Variants in SLC12A4 observed in about 807,000 individuals in gnomAD.
SLC12A4 encodes electroneutral potassium-chloride cotransporter 1.
SLC12A4 carries 84 observed loss-of-function variants against 119.2 expected under a neutral mutation model. That is an observed-to-expected ratio of 0.70 (90% confidence interval 0.59 to 0.85). The LOEUF (loss-of-function observed/expected upper bound fraction) is 0.85, where lower values mean the gene tolerates loss of function less well. Ranked by LOEUF, SLC12A4 falls within the 40% of genes least tolerant of loss-of-function variation. SLC12A4 has a pLI of 0.00. For missense variants in SLC12A4, 1,298 were observed against 1,476.3 expected, an observed-to-expected ratio of 0.88 and a Z score of 1.98; for synonymous variants, 599 against 604.6, an observed-to-expected ratio of 0.99 and a Z score of 0.14.
intron 5 of SLC12A4, 137 bp downstream of exon 5, chr16:67,957,605 A>C: frequency 1.1e-6 from 1 of 902,430 alleles, no homozygotes; most frequent in South Asian, 1.6e-5. Flanking sequence ...CTACGTGGGC[A>C]CTGTCCTGGC....
At chr16:67,966,647 G>A in intron 1 of SLC12A4, 1 of 1,415,770 alleles carries the variant, frequency 7.1e-7, no homozygotes, top group Non-Finnish European at 9.6e-7. Context: ...CCAGAGCAGA[G>A]GTGTGGGCAC....
At chr16:67,956,114 T>C (rs1440603531) in intron 5 of SLC12A4, among the ~76,000 whole-genome samples, 1 of 151,254 alleles carries the variant, frequency 6.6e-6, no homozygotes, top group African/African-American at 2.4e-5. Context: ...GAGGTGGAGA[T>C]TGCAGTGAGC....
rs2058369407 is a variant in SLC12A4, at chr16:67,947,789, C to G, written c.1848-1G>C. 6.3e-7 allele frequency: 1 copy of G among 1,587,570 alleles called. No individual in the cohort carries two copies. Among genetic ancestry groups the G allele is most frequent in the East Asian group, 2.3e-5 (1 of 43,422 alleles). ...ACTCATGCCCAGGAAGGACAGCGCCCTGGACGAGAGGGGAGGGCAGAGTCA... is the reference window on the plus strand; with the variant it reads ...ACTCATGCCCAGGAAGGACAGCGCCGTGGACGAGAGGGGAGGGCAGAGTCA... On this transcript the variant is annotated splice_acceptor_variant, in intron 14 of 23. Transcript: ENST00000316341. LOFTEE classifies it high-confidence loss of function.
At chr16:67,962,516 G>C (rs1234086817) in intron 2 of SLC12A4, 1 of 152,300 alleles carries the variant, frequency 6.6e-6, no homozygotes, top group Non-Finnish European at 1.5e-5. Flanking sequence ...GTGTGAGAAA[G>C]GAAGACGAGG....
chr16:67,963,380 CAG>C, intron 2 of SLC12A4, 83 bp downstream of exon 2: 1 of 811,862 alleles, frequency 1.2e-6, no homozygotes, highest in Non-Finnish European at 2.0e-6. Flanking sequence ...AAGAGCAAGA[CAG>C]AGGAGGCCCA....
intron 13 of SLC12A4, 39 bp from the exon 14 acceptor site, chr16:67,948,198 C>G (rs779725237): frequency 3.1e-6 from 5 of 1,588,008 alleles, no homozygotes; most frequent in Non-Finnish European, 3.5e-6. Flanking sequence ...GCAGCCTCCT[C>G]GGCAGCTGGG....
chr16:67,944,248 A>G lies in SLC12A4; in HGVS notation c.*592T>C, dbSNP rs973245662. 5.5e-5 allele frequency: 79 copies of G among 1,431,444 alleles called. No individual in the cohort carries two copies. In the Middle Eastern group the frequency reaches 1.0e-3, roughly 19 times the overall value. 88.7% of individuals were successfully genotyped at this position (1,431,444 alleles called of 1,614,324 possible). On this transcript the variant is annotated 3_prime_UTR_variant, in exon 24 of 24. Transcript: ENST00000316341. This position sits in a 1 kb window ranked among gnomAD's most constrained non-coding sequence, Gnocchi z 6.6. ...GATTGCCGGAAAGGGGCACAGCCTC[A>G]GGGAGCCGGCTCTGGGCCTGGGTTC... is the stretch of plus-strand genomic sequence containing the variant.
intron 1 of SLC12A4, chr16:67,964,106 G>A: frequency 2.0e-6 from 3 of 1,518,448 alleles, no homozygotes; most frequent in Non-Finnish European, 2.7e-6. Context: ...GGCATGCCGG[G>A]AGGTGGGGCA....
rs371229118 is a variant in SLC12A4, at chr16:67,961,597, C to T, written c.320G>A (p.Gly107Asp). The change falls in exon 3 of 24, where the codon GGC becomes GAC. Residue 107 changes from glycine to aspartate, a missense_variant. By Grantham distance (94) the Gly-to-Asp change is moderately conservative (BLOSUM62 -1). Coordinates refer to ENST00000316341, the MANE Select transcript of SLC12A4 (RefSeq NM_005072.5). The stretch of plus-strand genomic sequence containing the variant: ...CACCTCGGCTGCCCTCCGGCGGGTG[C>T]CCTCCCCACTCTCGGCCTCCTCATG... The part of the protein sequence containing the change: ...KEHEEAESGE[G>D]TRRRAAEAPS... 2.2e-5 allele frequency: 36 copies of T among 1,613,450 alleles called. No homozygotes were observed. The highest frequency in any genetic ancestry group is 2.9e-5 in the Non-Finnish European group (34 of 1,179,990).
intron 1 of SLC12A4, chr16:67,964,136 C>A: frequency 6.8e-7 from 1 of 1,477,178 alleles, no homozygotes. Context: ...CCGTGGAGAG[C>A]GGAAGTGGAT....
At chr16:67,968,382 C>CGGCCCCGGGTGGCA in intron 1 of SLC12A4, 57 bp downstream of exon 1, 1 of 1,450,876 alleles carries the variant, frequency 6.9e-7, no homozygotes, top group Non-Finnish European at 9.1e-7. Flanking sequence ...CCCGGGATGG[C>CGGCCCCGGGTGGCA]GGCCCCGGGT....
rs770740806 is a variant in SLC12A4, at chr16:67,948,081, G to A, written c.1827C>T (p.Pro609=). 1.2e-6 allele frequency: 2 copies of A among 1,613,142 alleles called. No individual in the cohort carries two copies. Among genetic ancestry groups the A allele is most frequent in the Non-Finnish European group, 1.7e-6 (2 of 1,179,958 alleles). Residue 609 remains proline, a synonymous_variant, in exon 14 of 24, where the codon CCC becomes CCT. Coordinates refer to ENST00000316341, the MANE Select transcript of SLC12A4 (RefSeq NM_005072.5). The stretch of plus-strand genomic sequence containing the variant: ...CTCACCAGTGATAGTACTTGAACCG[G>A]GGCCGCCAGTTGGGGGTCCTCAGGA... ...QTLLRTPNWR[P]RFKYYHWALS... is the part of the protein sequence containing the mutation.
intron 3 of SLC12A4, among the ~76,000 whole-genome samples, chr16:67,959,076 C>T (rs997661313): frequency 6.6e-6 from 1 of 152,120 alleles, no homozygotes; most frequent in African/African-American, 2.4e-5. Flanking sequence ...TTTGGAAGCC[C>T]CTGGGACATC....
At chr16:67,945,282 C>A in intron 22 of SLC12A4, 62 bp from the exon 23 acceptor site, 2 of 1,563,356 alleles carry the variant, frequency 1.3e-6, no homozygotes, top group Non-Finnish European at 1.7e-6. Flanking sequence ...GGTCCCCACC[C>A]CTGGCCCATC....
intron 21 of SLC12A4, 67 bp downstream of exon 21, chr16:67,945,697 C>G: frequency 6.6e-7 from 1 of 1,521,148 alleles, no homozygotes; most frequent in Non-Finnish European, 9.0e-7. Context: ...CCTCCGCACC[C>G]ACCGATGCGG....
intron 5 of SLC12A4, 80 bp downstream of exon 5, chr16:67,957,662 G>T: frequency 6.5e-7 from 1 of 1,536,920 alleles, no homozygotes; most frequent in Non-Finnish European, 8.9e-7. Context: ...GCAGGGGTGT[G>T]CTATGGGGGT....
chr16:67,968,631 C>A lies in SLC12A4; in HGVS notation c.-78G>T, dbSNP rs1416288697. The A allele has an allele frequency of 1.5e-6, 2 of 1,306,398 alleles. No individual in the cohort carries two copies. Among genetic ancestry groups the A allele is most frequent in the South Asian group, 2.4e-5 (1 of 42,130 alleles). The allele number at this position is 1,306,398 out of a possible 1,614,324, so 80.9% of individuals were successfully genotyped here. A position where few individuals can be genotyped will look rare whatever the true frequency, so the allele number is the denominator to read the frequency against. On this transcript the variant is annotated 5_prime_UTR_variant, in exon 1 of 24. Coordinates refer to ENST00000316341, the MANE Select transcript of SLC12A4 (RefSeq NM_005072.5). ...CCGCCGCTGTCCCCGCCGCCCCGGG[C>A]CGACACGCCCCGCCCGCTCGCATTC... is the stretch of plus-strand genomic sequence containing the variant.
rs1466445368 is a variant in SLC12A4 at position 67,944,670 on chromosome 16, A to G, written c.*170T>C. 4.2e-6 allele frequency: 6 copies of G among 1,427,600 alleles called. No homozygotes were observed. In the Admixed American group the frequency reaches 1.7e-4, roughly 41 times the overall value. 88.4% of individuals were successfully genotyped at this position (1,427,600 alleles called of 1,614,324 possible). On this transcript the variant is annotated 3_prime_UTR_variant, in exon 24 of 24. Transcript: ENST00000316341. This position sits in a 1 kb window ranked among gnomAD's most constrained non-coding sequence, Gnocchi z 6.6. ...CCCACAAGACCTGGGATCCATCTCCATTTTGAGGCCCAGGCCTGGTTTCCA... is the reference window on the plus strand; with the variant it reads ...CCCACAAGACCTGGGATCCATCTCCGTTTTGAGGCCCAGGCCTGGTTTCCA...
At position 67,946,200 on chromosome 16, in the gene SLC12A4, G is replaced by C; in HGVS notation, c.2578C>G (p.Leu860Val). 3 of 1,613,936 alleles carry C rather than the reference G, an allele frequency of 1.9e-6. No individual in the cohort carries two copies. The highest frequency in any genetic ancestry group is 2.5e-6 in the Non-Finnish European group (3 of 1,180,042). The stretch of plus-strand genomic sequence containing the variant: ...TGCTGGCGCAGCAGGAAGGGCAGAA[G>C]CATGAGCATGCCACCATCGTGCACG... ...WIVHDGGMLM[L>V]LPFLLRQHKV... Residue 860 changes from leucine (L) to valine (V), a missense_variant, in exon 19 of 24, where the codon CTT (leucine) becomes GTT (valine). By Grantham distance (32) the Leu-to-Val change is conservative. Coordinates refer to ENST00000316341, the MANE Select transcript of SLC12A4 (RefSeq NM_005072.5).
Sources: allele counts gnomAD v4.1 joint callset (sites outside exome capture counted in the v4.1 genomes callset), GRCh38; gene constraint gnomAD v4.1.1; non-coding constraint Gnocchi (gnomAD v3.1); transcripts MANE v1.5; gene names NCBI Gene and HGNC (gene_info 2026-07-23, HGNC 2026-07-21).